The following GPATCH11 variants were observed in gnomAD, a reference collection of about 807,000 sequenced individuals.
GPATCH11 encodes G-patch domain containing 11.
A neutral mutation model predicts 44.8 loss-of-function variants in GPATCH11; 32 were observed. The ratio of observed to expected loss-of-function variants is 0.71; its 90% CI spans 0.54 to 0.96. The LOEUF is 0.96. Among genes scored for constraint, GPATCH11 ranks in the 40% least tolerant of loss-of-function variants. The probability of loss-of-function intolerance (pLI) is 0.00; values close to 1 mark genes in which losing one functional copy is unlikely to be tolerated. For synonymous variants in GPATCH11, 84 were observed against 94.4 expected (o/e 0.89, Z 0.64); for missense variants, 324 against 303.1 (o/e 1.07, Z -0.51).
rs1173295706 is a variant in GPATCH11 at position 37,098,705 on chromosome 2, G to A, written c.*2442G>A. 6.6e-6 allele frequency: 1 copy of A among 152,200 alleles called. No homozygotes were observed. The allele number at this position is 152,200 out of a possible 1,614,324, so 9.4% of individuals were successfully genotyped here. A position where few individuals can be genotyped will look rare whatever the true frequency, so the allele number is the denominator to read the frequency against. On this transcript the variant is annotated 3_prime_UTR_variant, in exon 9 of 9. Coordinates refer to ENST00000674370, the MANE Select transcript of GPATCH11 (RefSeq NM_174931.4). ...ACAGGCCTAGTACTAGAACTAGACC[G>A]GCTTAGAGAGTGGGAGATATCCCTC...
rs1385125300 is a variant in GPATCH11, at chr2:37,084,547, C to T, written c.-37C>T. On this transcript the variant is annotated 5_prime_UTR_variant, in exon 1 of 9. Transcript: ENST00000674370. ...GCAGCGCGCGCTCTACGGCGCTGAA[C>T]CGGGGCGAGCAGAGAGCTGTCAGGT... is the stretch of plus-strand genomic sequence containing the variant. 2.6e-5 allele frequency: 32 copies of T among 1,231,452 alleles called. 1 individual carries two copies. The Admixed American group carries it at 1.2e-3, about 47-fold the overall frequency. The allele number at this position is 1,231,452 out of a possible 1,614,324, so 76.3% of individuals were successfully genotyped here. A position where few individuals can be genotyped will look rare whatever the true frequency, so the allele number is the denominator to read the frequency against.
At chr2:37,090,767 C>T (rs954981555) in intron 4 of GPATCH11, 45 bp downstream of exon 4, 18 of 931,604 alleles carry the variant, frequency 1.9e-5, no homozygotes, top group Admixed American at 4.7e-5. Flanking sequence ...TAATAACTTA[C>T]GCTTAGGTCT....
At chr2:37,091,302 C>T (rs184745914) in intron 4 of GPATCH11, among the ~76,000 whole-genome samples, 15 of 148,330 alleles carry the variant, frequency 1.0e-4, no homozygotes, top group Non-Finnish European at 1.9e-4. Flanking sequence ...CCAGCCTGGG[C>T]AACAAGAGTG....
intron 4 of GPATCH11, 45 bp downstream of exon 4, chr2:37,090,767 C>G: frequency 1.1e-6 from 1 of 931,722 alleles, no homozygotes; most frequent in Non-Finnish European, 1.7e-6. Flanking sequence ...TAATAACTTA[C>G]GCTTAGGTCT....
At chr2:37,095,564 C>T (rs1673536313) in intron 8 of GPATCH11, 46 bp downstream of exon 8, 3 of 1,496,042 alleles carry the variant, frequency 2.0e-6, no homozygotes, top group South Asian at 1.4e-5. Context: ...GAATGCTCTC[C>T]AATTTTTAGT....
At chr2:37,088,759 C>T (rs1472539472) in intron 2 of GPATCH11, among the ~76,000 whole-genome samples, 1 of 152,136 alleles carries the variant, frequency 6.6e-6, no homozygotes, top group South Asian at 2.1e-4. Flanking sequence ...TGGGCTCAGG[C>T]GATCCTCCGG....
In GPATCH11 at chr2:37,094,411, A is replaced by T. The variant is rs1673474954; in HGVS notation, c.654+216A>T. ...CTAAATGTCCCCGAGGGGAAAAATA[A>T]CCCCTGGTTGAGAGGTACTGCATTG... On this transcript the variant is annotated intron_variant, in intron 7 of 8. Transcript: ENST00000674370. 1.4e-5 allele frequency: 6 copies of T among 422,118 alleles called. No individual in the cohort carries two copies. In the South Asian group the frequency reaches 1.9e-4, roughly 14 times the overall value. 26.1% of individuals were successfully genotyped at this position (422,118 alleles called of 1,614,324 possible). A position where few individuals can be genotyped will look rare whatever the true frequency, so the allele number is the denominator to read the frequency against.
At position 37,090,703 on chromosome 2, in the gene GPATCH11, T is replaced by G; in HGVS notation, c.309T>G (p.Ile103Met). ...AAGGGGGTGGTATTGTTGAACCAAT[T>G]CCTCTCAATATCAAAACAGGTACGT... is the stretch of plus-strand genomic sequence containing the variant. ...GKSGGGIVEPIPLNIKTGKSG... is the reference protein window; with the variant it reads ...GKSGGGIVEPMPLNIKTGKSG... Residue 103 changes from isoleucine to methionine, a missense_variant, in exon 4 of 9, where the codon ATT becomes ATG. Physicochemically the swap from Ile to Met is conservative, Grantham distance 10 (BLOSUM62 1). Transcript: ENST00000674370. 6.8e-7 allele frequency: 1 copy of G among 1,469,906 alleles called. No homozygotes were observed. Among genetic ancestry groups the G allele is most frequent in the Non-Finnish European group, 9.3e-7 (1 of 1,080,132 alleles). The allele number at this position is 1,469,906 out of a possible 1,614,324, so 91.1% of individuals were successfully genotyped here.
chr2:37,085,574 G>A (rs4670653), intron 1 of GPATCH11, among the ~76,000 whole-genome samples: 141,771 of 152,298 alleles, frequency 0.93, 66,825 homozygotes, highest in East Asian at 1. Context: ...CAAAACTATC[G>A]AGAAAATGAA....
In GPATCH11 at chr2:37,097,953, T is replaced by C. The variant is rs1673668811; in HGVS notation, c.*1690T>C. 2 of 152,344 alleles carry C rather than the reference T, an allele frequency of 1.3e-5. No individual in the cohort carries two copies. Among genetic ancestry groups the C allele is most frequent in the East Asian group, 1.9e-4 (1 of 5,188 alleles). 9.4% of individuals were successfully genotyped at this position (152,344 alleles called of 1,614,324 possible). A position where few individuals can be genotyped will look rare whatever the true frequency, so the allele number is the denominator to read the frequency against. On this transcript the variant is annotated 3_prime_UTR_variant, in exon 9 of 9. Transcript: ENST00000674370. ...GAAAACTAATCATTATTTTTATGAA[T>C]GTAAATATGTGTATATATATAATAT...
chr2:37,089,969 T>A, intron 3 of GPATCH11, 103 bp downstream of exon 3: 1 of 825,928 alleles, frequency 1.2e-6, no homozygotes, highest in Non-Finnish European at 1.9e-6. Flanking sequence ...ACAGAAATTA[T>A]AACAACTTAG....
At chr2:37,093,038 CAGG>C (rs1673411229) in intron 6 of GPATCH11, among the ~76,000 whole-genome samples, 1 of 152,100 alleles carries the variant, frequency 6.6e-6, no homozygotes, top group South Asian at 2.1e-4. Context: ...CCTATCTACT[CAGG>C]AGGCTGAAGT....
chr2:37,089,620 T>C lies in GPATCH11; in HGVS notation c.60-20T>C, dbSNP rs1307483446. ...GAAAACTTTATGGACTCATCTAAAA[T>C]AAACTTTTCCCTTATTCAGAGAAGA... is the stretch of plus-strand genomic sequence containing the variant. On this transcript the variant is annotated intron_variant, in intron 2 of 8. Transcript: ENST00000674370. 6 of 1,461,782 alleles carry C rather than the reference T, an allele frequency of 4.1e-6. No homozygotes were observed. In the South Asian group the frequency reaches 7.5e-5, roughly 18 times the overall value. 90.6% of individuals were successfully genotyped at this position (1,461,782 alleles called of 1,614,324 possible).
intron 6 of GPATCH11, among the ~76,000 whole-genome samples, chr2:37,092,573 G>A (rs891225839): frequency 2.8e-4 from 41 of 148,712 alleles, no homozygotes; most frequent in Middle Eastern, 3.5e-3. Flanking sequence ...TCTGATCTGT[G>A]ACAATTGATA....
chr2:37,088,881 C>A (rs1351991621), intron 2 of GPATCH11, among the ~76,000 whole-genome samples: 1 of 152,174 alleles, frequency 6.6e-6, no homozygotes, highest in Non-Finnish European at 1.5e-5. Context: ...GGAAATACCT[C>A]CTATGTCACC....
chr2:37,085,329 ACT>A (rs1672954714), intron 1 of GPATCH11, among the ~76,000 whole-genome samples: 1 of 151,968 alleles, frequency 6.6e-6, no homozygotes, highest in South Asian at 2.1e-4. Flanking sequence ...AACAGGAAAA[ACT>A]CTTCCTACCT....
At chr2:37,089,339 G>A (rs1294227122) in intron 2 of GPATCH11, among the ~76,000 whole-genome samples, 1 of 152,116 alleles carries the variant, frequency 6.6e-6, no homozygotes, top group Non-Finnish European at 1.5e-5. Context: ...GGCTGAGGCG[G>A]GCAGATCACC....
intron 1 of GPATCH11, among the ~76,000 whole-genome samples, chr2:37,087,392 T>C (rs1357978035): frequency 3.9e-5 from 6 of 152,206 alleles, no homozygotes; most frequent in Admixed American, 6.5e-5. Flanking sequence ...ACTAGCAACA[T>C]TGACATTGCC....
At chr2:37,084,691 C>G in intron 1 of GPATCH11, 121 bp downstream of exon 1, 2 of 764,002 alleles carry the variant, frequency 2.6e-6, no homozygotes, top group Non-Finnish European at 3.6e-6. Context: ...GTGGTTGCGT[C>G]TGTGGGACGC....
Sources: gnomAD v4.1 joint callset for allele counts (sites outside exome capture counted in the v4.1 genomes callset) on GRCh38, gnomAD v4.1.1 for gene constraint, MANE v1.5 for transcripts, NCBI Gene and HGNC (gene_info 2026-07-23, HGNC 2026-07-21) for gene names.